Variants in KCNIP4 observed in about 807,000 individuals in gnomAD.
The protein encoded by KCNIP4 is Kv channel-interacting protein 4.
In KCNIP4, 12 loss-of-function variants were observed where a neutral mutation model predicts 34.0. That is an observed-to-expected ratio of 0.35 (90% CI 0.23 to 0.57). The LOEUF is 0.57. Among genes scored for constraint, KCNIP4 ranks in the 20% least tolerant of loss-of-function variants. The pLI is 0.83. For missense variants in KCNIP4, 238 were observed against 311.7 expected (o/e 0.76, Z 1.78); for synonymous variants, 124 against 102.2 (o/e 1.21, Z -1.29).
chr4:21,944,284 C>T (rs2109022955), intron 1 of KCNIP4, among the ~76,000 whole-genome samples: 1 of 152,072 alleles, frequency 6.6e-6, no homozygotes, highest in Admixed American at 6.5e-5. Context: ...TAGCTCACGC[C>T]TGTAATCCTA....
intron 1 of KCNIP4, among the ~76,000 whole-genome samples, chr4:21,737,614 C>G (rs1035689774): frequency 3.9e-5 from 6 of 152,184 alleles, no homozygotes; most frequent in African/African-American, 1.4e-4. Flanking sequence ...GAGCCCTCTT[C>G]CAGCAGAATG....
intron 1 of KCNIP4, among the ~76,000 whole-genome samples, chr4:20,907,661 T>C (rs944519971): frequency 6.6e-6 from 1 of 152,196 alleles, no homozygotes; most frequent in Non-Finnish European, 1.5e-5. Flanking sequence ...TTTCAAGATA[T>C]GACTGATTAT....
At chr4:21,334,383 T>A (rs964416955) in intron 1 of KCNIP4, among the ~76,000 whole-genome samples, 2 of 152,090 alleles carry the variant, frequency 1.3e-5, no homozygotes, top group African/African-American at 4.8e-5. Context: ...AAGTTTATGA[T>A]ACTCTGGGTG....
At chr4:21,011,129 A>G (rs373155276) in intron 1 of KCNIP4, among the ~76,000 whole-genome samples, 12 of 152,358 alleles carry the variant, frequency 7.9e-5, no homozygotes, top group African/African-American at 2.9e-4. Flanking sequence ...GGAGGAGGAA[A>G]ATACAGTCAT....
intron 4 of KCNIP4, among the ~76,000 whole-genome samples, chr4:20,755,595 C>T (rs1754339748): frequency 1.3e-5 from 2 of 152,096 alleles, no homozygotes; most frequent in African/African-American, 4.8e-5. Context: ...AAAGAAACAA[C>T]AATGGTACAA....
At chr4:21,778,601 G>A (rs368156220) in intron 1 of KCNIP4, among the ~76,000 whole-genome samples, 1 of 152,090 alleles carries the variant, frequency 6.6e-6, no homozygotes, top group South Asian at 2.1e-4. Flanking sequence ...CTCTGCAGGA[G>A]AGACACTGCA....
chr4:21,504,115 C>A (rs1733590652), intron 1 of KCNIP4, among the ~76,000 whole-genome samples: 1 of 152,060 alleles, frequency 6.6e-6, no homozygotes, highest in African/African-American at 2.4e-5. Flanking sequence ...ATTTAATCCA[C>A]CCATCATCAT....
intron 1 of KCNIP4, among the ~76,000 whole-genome samples, chr4:21,576,998 T>C (rs760003551): frequency 6.6e-6 from 1 of 152,166 alleles, no homozygotes; most frequent in Non-Finnish European, 1.5e-5. Context: ...ATTAACTTCA[T>C]AAAAAAATTA....
At chr4:21,669,834 G>A (rs1356688929) in intron 1 of KCNIP4, among the ~76,000 whole-genome samples, 2 of 152,016 alleles carry the variant, frequency 1.3e-5, no homozygotes, top group Non-Finnish European at 2.9e-5. Flanking sequence ...AAGCATTTGG[G>A]GTGAAATATA....
chr4:21,158,723 T>A (rs1172598798), intron 1 of KCNIP4, among the ~76,000 whole-genome samples: 1 of 152,110 alleles, frequency 6.6e-6, no homozygotes, highest in Middle Eastern at 3.2e-3. Context: ...CCCTCTAATA[T>A]CATGATTATG....
intron 2 of KCNIP4, among the ~76,000 whole-genome samples, chr4:20,851,625 G>A (rs1721032082): frequency 6.6e-6 from 1 of 152,040 alleles, no homozygotes; most frequent in African/African-American, 2.4e-5. Flanking sequence ...TTCCACAATG[G>A]TTGAACTAAT....
At chr4:21,082,919 T>G (rs1746129068) in intron 1 of KCNIP4, among the ~76,000 whole-genome samples, 1 of 125,882 alleles carries the variant, frequency 7.9e-6, no homozygotes, top group African/African-American at 2.8e-5. Flanking sequence ...ATCTAAAATT[T>G]ATGTATACAC....
chr4:21,017,503 C>T (rs1739651755), intron 1 of KCNIP4, among the ~76,000 whole-genome samples: 1 of 152,116 alleles, frequency 6.6e-6, no homozygotes, highest in South Asian at 2.1e-4. Flanking sequence ...CATCCATGTC[C>T]CTGCAAATAA....
intron 4 of KCNIP4, among the ~76,000 whole-genome samples, chr4:20,758,377 G>C (rs894152160): frequency 6.6e-6 from 1 of 152,112 alleles, no homozygotes; most frequent in Non-Finnish European, 1.5e-5. Context: ...ACCCAGATCT[G>C]CCACTGAGTC....
chr4:20,841,227 T>G (rs1271340640), intron 3 of KCNIP4, among the ~76,000 whole-genome samples: 1 of 152,204 alleles, frequency 6.6e-6, no homozygotes, highest in Non-Finnish European at 1.5e-5. Context: ...TGGGCTGGCC[T>G]CCAATCTTTT....
chr4:21,698,015 G>A (rs181972941), intron 1 of KCNIP4, among the ~76,000 whole-genome samples: 1 of 123,974 alleles, frequency 8.1e-6, no homozygotes, highest in East Asian at 2.0e-4. Flanking sequence ...TGCTGCTCAA[G>A]GTCAGACATC....
At chr4:21,440,932 A>AT (rs1433152432) in intron 1 of KCNIP4, among the ~76,000 whole-genome samples, 20 of 152,012 alleles carry the variant, frequency 1.3e-4, no homozygotes, top group Non-Finnish European at 8.8e-5. Context: ...AATATAAAAT[A>AT]TTTTTTCCAA....
intron 1 of KCNIP4, among the ~76,000 whole-genome samples, chr4:21,671,752 C>A (rs1248537382): frequency 1.3e-5 from 2 of 152,082 alleles, no homozygotes; most frequent in Non-Finnish European, 2.9e-5. Context: ...TGCTGAAGTG[C>A]CCACGTTGGA....
intron 2 of KCNIP4, among the ~76,000 whole-genome samples, chr4:20,851,061 G>A (rs1175110601): frequency 6.6e-6 from 1 of 152,086 alleles, no homozygotes; most frequent in African/African-American, 2.4e-5. Context: ...TTTAAGTTCA[G>A]AGGTACATGT....
Sources: allele counts gnomAD v4.1 joint callset (sites outside exome capture counted in the v4.1 genomes callset), GRCh38; gene constraint gnomAD v4.1.1; transcripts MANE v1.5; gene names NCBI Gene and HGNC (gene_info 2026-07-23, HGNC 2026-07-21).